The following CCDC7 variants were observed in gnomAD, a reference collection of about 807,000 sequenced individuals.
CCDC7 encodes coiled-coil domain containing 7, also known as coiled-coil domain-containing protein 7.
A neutral mutation model predicts 196.9 loss-of-function variants in CCDC7; 183 were observed. The observed-to-expected ratio is 0.93, with a 90% CI of 0.82 to 1.05. CCDC7 has a LOEUF of 1.05. Among genes scored for constraint, CCDC7 ranks in the 50% least tolerant of loss-of-function variants. CCDC7 has a pLI of 0.00. For synonymous variants in CCDC7, 525 were observed against 484.6 expected (o/e 1.08, Z -1.10); for missense variants, 1,540 against 1,482.2 (o/e 1.04, Z -0.64).
chr10:32,578,200 A>G (rs1282906845), intron 16 of CCDC7, among the ~76,000 whole-genome samples: 3 of 152,000 alleles, frequency 2.0e-5, no homozygotes, highest in Non-Finnish European at 4.4e-5. Flanking sequence ...GTAAAATGTG[A>G]TATCACCACT....
At chr10:32,593,399 G>C (rs1421069328) in intron 18 of CCDC7, among the ~76,000 whole-genome samples, 1 of 152,088 alleles carries the variant, frequency 6.6e-6, no homozygotes, top group Non-Finnish European at 1.5e-5. Context: ...GGGTTTGTTT[G>C]ATTTTTTCCT....
At chr10:32,614,319 T>C (rs976686462) in intron 18 of CCDC7, among the ~76,000 whole-genome samples, 1 of 151,858 alleles carries the variant, frequency 6.6e-6, no homozygotes, top group African/African-American at 2.4e-5. Context: ...TTAGCCTACG[T>C]GTGTCTTTGC....
At chr10:32,828,488 A>AGAG (rs1279440657) in intron 32 of CCDC7, among the ~76,000 whole-genome samples, 1,312 of 62,786 alleles carry the variant, frequency 0.021, 15 homozygotes, top group East Asian at 0.048. Context: ...AGGAAGAGGA[A>AGAG]GAAGAAGAAG....
At chr10:32,546,350 A>G (rs1330804833) in intron 13 of CCDC7, among the ~76,000 whole-genome samples, 1 of 152,216 alleles carries the variant, frequency 6.6e-6, no homozygotes, top group African/African-American at 2.4e-5. Context: ...TGATTGCAAA[A>G]TGTTTAAAAA....
intron 20 of CCDC7, among the ~76,000 whole-genome samples, chr10:32,652,740 A>G (rs2069002554): frequency 6.6e-6 from 1 of 152,046 alleles, no homozygotes; most frequent in African/African-American, 2.4e-5. Flanking sequence ...CTCAATTTCT[A>G]TATTTTTGTA....
intron 29 of CCDC7, among the ~76,000 whole-genome samples, chr10:32,796,071 C>T (rs1246407538): frequency 2.0e-5 from 3 of 152,134 alleles, no homozygotes; most frequent in African/African-American, 2.4e-5. Flanking sequence ...TTACTTCTCC[C>T]TCTGTCTCCT....
At chr10:32,481,376 G>C (rs1015833620) in intron 8 of CCDC7, among the ~76,000 whole-genome samples, 6 of 151,924 alleles carry the variant, frequency 3.9e-5, no homozygotes, top group South Asian at 4.2e-4. Flanking sequence ...TAGATCCTTT[G>C]TTCTTTTATT....
chr10:32,820,610 A>G (rs1212303429), intron 31 of CCDC7, among the ~76,000 whole-genome samples: 1 of 152,232 alleles, frequency 6.6e-6, no homozygotes, highest in Non-Finnish European at 1.5e-5. Flanking sequence ...ACTGGTACCA[A>G]AACAGAGATA....
chr10:32,624,589 G>A (rs1271711512), intron 18 of CCDC7, among the ~76,000 whole-genome samples: 1 of 152,080 alleles, frequency 6.6e-6, no homozygotes, highest in Non-Finnish European at 1.5e-5. Context: ...AGTTTAATGA[G>A]AGTCAGTGGA....
chr10:32,722,901 T>TA (rs2082614436), intron 25 of CCDC7, among the ~76,000 whole-genome samples: 1 of 152,068 alleles, frequency 6.6e-6, no homozygotes, highest in Non-Finnish European at 1.5e-5. Context: ...TTTACCTTGT[T>TA]ATATGACCAC....
chr10:32,624,736 A>G (rs1039940305), intron 18 of CCDC7, among the ~76,000 whole-genome samples: 5 of 151,964 alleles, frequency 3.3e-5, no homozygotes, highest in Non-Finnish European at 7.4e-5. Context: ...GTTTTAGAGG[A>G]CAGCACTGGG....
chr10:32,484,798 A>G (rs2040687431), intron 8 of CCDC7, among the ~76,000 whole-genome samples: 1 of 152,166 alleles, frequency 6.6e-6, no homozygotes, highest in African/African-American at 2.4e-5. Context: ...GATGGATTAC[A>G]TTTATTCATT....
intron 20 of CCDC7, among the ~76,000 whole-genome samples, chr10:32,662,308 A>G (rs1226246072): frequency 1.3e-5 from 2 of 152,142 alleles, no homozygotes; most frequent in Non-Finnish European, 1.5e-5. Flanking sequence ...TGAAGTTAAA[A>G]CCAGATACTG....
chr10:32,635,279 A>G (rs1590886327), intron 20 of CCDC7, 121 bp downstream of exon 21: 2 of 382,126 alleles, frequency 5.2e-6, no homozygotes, highest in East Asian at 7.5e-5. Context: ...TTCTAGATCT[A>G]TACTGGTGTC....
At chr10:32,778,884 A>G in intron 28 of CCDC7, 93 bp from the exon 30 acceptor site, 1 of 851,714 alleles carries the variant, frequency 1.2e-6, no homozygotes, top group Non-Finnish European at 1.9e-6. Context: ...CGTTGTAGAG[A>G]TCTTTCACCT....
At chr10:32,821,426 T>C (rs191005285) in intron 31 of CCDC7, among the ~76,000 whole-genome samples, 2,906 of 152,154 alleles carry the variant, frequency 0.019, 96 homozygotes, top group African/African-American at 0.066. Context: ...GATCTAGAAC[T>C]AGAAGTACCA....
downstream of CCDC7, among the ~76,000 whole-genome samples, chr10:32,880,558 T>C (rs939878349): frequency 2.0e-5 from 3 of 152,318 alleles, no homozygotes; most frequent in East Asian, 1.9e-4. Context: ...TTAGATCCCA[T>C]TTGTCAATTT....
chr10:32,593,362 G>C (rs370207277), intron 18 of CCDC7, among the ~76,000 whole-genome samples: 21 of 152,134 alleles, frequency 1.4e-4, no homozygotes, highest in African/African-American at 5.1e-4. Flanking sequence ...AGAAGTGTCT[G>C]TTCATATCCT....
chr10:32,871,537 A>C (rs537883188), intron 41 of CCDC7, among the ~76,000 whole-genome samples: 4 of 145,940 alleles, frequency 2.7e-5, no homozygotes, highest in Non-Finnish European at 4.4e-5. Flanking sequence ...TTTGTTGATC[A>C]TTTCAAAAAA....
Sources: gnomAD v4.1 joint callset for allele counts (sites outside exome capture counted in the v4.1 genomes callset) on GRCh38, gnomAD v4.1.1 for gene constraint, MANE v1.5 for transcripts, NCBI Gene and HGNC (gene_info 2026-07-23, HGNC 2026-07-21) for gene names.